TNRC6C: variants seen among roughly 807,000 people sequenced by gnomAD.
TNRC6C encodes trinucleotide repeat-containing gene 6C protein.
In TNRC6C, 20 loss-of-function variants were observed where a neutral mutation model predicts 153.7. That is an observed-to-expected ratio of 0.13 (90% confidence interval 0.09 to 0.19). TNRC6C has a LOEUF of 0.19. TNRC6C is among the 10% of genes least tolerant of loss of function. The pLI, the probability that TNRC6C is intolerant of heterozygous loss-of-function variation, is 1.00. For synonymous variants in TNRC6C, 811 were observed against 841.4 expected (o/e 0.96, Z 0.63); for missense variants, 1,987 against 2,172.0 (o/e 0.91, Z 1.69).
At chr17:78,015,605 A>T (rs78059684) in intron 1 of TNRC6C, among the ~76,000 whole-genome samples, 7,142 of 152,292 alleles carry the variant, frequency 0.047, 234 homozygotes, top group Middle Eastern at 0.092. Flanking sequence ...GTCTAGGTAG[A>T]TGGAAGATTT....
Position 78,029,490 on chromosome 17 carries a change from C to G in TNRC6C, c.-545-2026C>G, listed in dbSNP as rs2143688839. ...TATAAAGAATTTTTAAAAGGTACAC[C>G]TGTATAGGGCACTTAACTATGAATG... On this transcript the variant is annotated intron_variant, in intron 1 of 19. Coordinates refer to ENST00000301624, the Ensembl canonical transcript of TNRC6C. 1.3e-5 allele frequency among the ~76,000 whole-genome samples: 2 copies of G among 152,128 alleles called. 1 individual carries two copies. Among genetic ancestry groups the G allele is most frequent in the African/African-American group, 4.8e-5 (2 of 41,452 alleles).
exon 3 of TNRC6C, chr17:78,050,191 C>G: frequency 6.5e-7 from 1 of 1,546,940 alleles, no homozygotes; most frequent in Non-Finnish European, 8.7e-7. Context: ...TACCGTACAG[C>G]CTGGTGGTGA....
In TNRC6C at chr17:78,049,649, C is replaced by G. The variant is rs2072480418; in HGVS notation, c.587C>G (p.Pro196Arg). The G allele has an allele frequency of 6.2e-7, 1 of 1,613,808 alleles. No homozygotes were observed. The highest frequency in any genetic ancestry group is 1.3e-5 in the African/African-American group (1 of 74,940). The change falls in exon 3 of 20, where the codon CCT (proline) becomes CGT (arginine). Residue 196 changes from proline to arginine, a missense_variant. By Grantham distance (103) the Pro-to-Arg change is moderately radical (BLOSUM62 -2). Around this residue, in one of 4 missense-constraint regions of TNRC6C, gnomAD observed 1,052 missense variants for 1,017.0 expected, o/e 1.03. Transcript: ENST00000301624. This position sits in a 1 kb window ranked among gnomAD's most constrained non-coding sequence, Gnocchi z 4.1. ...AACCCCATGAACTCTTCACCCAACC[C>G]TATCAATGCAATGCAGACAAATGGA...
intron 1 of TNRC6C, among the ~76,000 whole-genome samples, chr17:77,997,782 G>T (rs1186188097): frequency 6.6e-6 from 1 of 151,974 alleles, no homozygotes; most frequent in South Asian, 2.1e-4. Flanking sequence ...AGCCTCCCGA[G>T]TAGCTGGGAC....
chr17:78,056,080 C>T (rs1481196218), intron 3 of TNRC6C, among the ~76,000 whole-genome samples: 1 of 151,868 alleles, frequency 6.6e-6, no homozygotes, highest in Non-Finnish European at 1.5e-5. Flanking sequence ...AAACTCCTGG[C>T]CTCAAGCCAT....
chr17:78,104,908 C>A lies in TNRC6C; in HGVS notation c.*63C>A. The A allele has an allele frequency of 7.3e-7, 1 of 1,371,522 alleles. No individual in the cohort carries two copies. Among genetic ancestry groups the A allele is most frequent in the Non-Finnish European group, 9.4e-7 (1 of 1,067,392 alleles). 85.0% of individuals were successfully genotyped at this position (1,371,522 alleles called of 1,614,324 possible). A position where few individuals can be genotyped will look rare whatever the true frequency, so the allele number is the denominator to read the frequency against. ...CCGGGACCCCTCCCGGCTGGGCGGC[C>A]CCACAGACCCGCTGGAACCCAGCAG... On this transcript the variant is annotated 3_prime_UTR_variant, in exon 20 of 20. Coordinates refer to ENST00000301624, the Ensembl canonical transcript of TNRC6C. The surrounding 1 kb of genome is among the most constrained non-coding windows in gnomAD (Gnocchi z 6.2).
Position 78,049,812 on chromosome 17 carries a change from A to G in TNRC6C, c.750A>G (p.Gly250=). The change falls in exon 3 of 20, where the codon GGA becomes GGG. Residue 250 remains glycine (G), a synonymous_variant. Coordinates refer to ENST00000301624, the Ensembl canonical transcript of TNRC6C. This position sits in a 1 kb window ranked among gnomAD's most constrained non-coding sequence, Gnocchi z 4.1. ...AAGGAATAAGCAATTCTGTGTGGGG[A>G]CTGTCCCCAGGTAACCCTGCCACAG... 2 of 1,609,378 alleles carry G rather than the reference A, an allele frequency of 1.2e-6. No homozygotes were observed. The highest frequency in any genetic ancestry group is 1.7e-6 in the Non-Finnish European group (2 of 1,176,990).
At chr17:78,067,670 C>G (rs1393404295) in intron 4 of TNRC6C, 87 bp from the exon 7 acceptor site, 6 of 1,410,720 alleles carry the variant, frequency 4.3e-6, no homozygotes, top group Non-Finnish European at 4.7e-6. Context: ...TCATTTGTCC[C>G]ACGACCCCTA....
In TNRC6C at chr17:78,092,172, G is replaced by A. The variant is rs2073406255; in HGVS notation, c.3970+565G>A. Among the ~76,000 whole-genome samples the A allele has an allele frequency of 2.0e-5, 3 of 152,218 alleles. No homozygotes were observed. In the South Asian group the frequency reaches 6.2e-4, roughly 32 times the overall value. ...ATTAAATTTAACTCTGAACTTCCTG[G>A]TAGAATAAACAGCAAAGGAAATTCA... On this transcript the variant is annotated intron_variant, in intron 14 of 19. Transcript: ENST00000301624.
chr17:78,098,021 G>A (rs768460581), intron 16 of TNRC6C, among the ~76,000 whole-genome samples, 160 bp downstream of exon 19: 4 of 152,262 alleles, frequency 2.6e-5, no homozygotes, highest in Non-Finnish European at 5.9e-5. Flanking sequence ...CCCAGGCACA[G>A]TGGGCACGCT....
chr17:78,000,618 G>GGCC (rs1555628252), upstream of TNRC6C, among the ~76,000 whole-genome samples: 3 of 13,046 alleles, frequency 2.3e-4, no homozygotes, highest in Non-Finnish European at 3.8e-4. Flanking sequence ...TTCTCCCTCC[G>GGCC]CCCCCCCCCC....
chr17:78,015,367 A>G (rs577572331), intron 1 of TNRC6C, among the ~76,000 whole-genome samples: 62 of 152,332 alleles, frequency 4.1e-4, no homozygotes, highest in Non-Finnish European at 7.6e-4. Context: ...TTTCAGAAAG[A>G]AGATGTGTTA....
chr17:78,063,022 G>C (rs1307838880), intron 3 of TNRC6C, among the ~76,000 whole-genome samples: 1 of 152,036 alleles, frequency 6.6e-6, no homozygotes, highest in Non-Finnish European at 1.5e-5. Flanking sequence ...GAAGCGGGGG[G>C]ATCACTTGAG....
At chr17:77,994,222 A>G (rs1335844581) in intron 1 of TNRC6C, among the ~76,000 whole-genome samples, 4 of 152,158 alleles carry the variant, frequency 2.6e-5, no homozygotes, top group African/African-American at 9.7e-5. Context: ...TTAGGCAGAC[A>G]TTCATGTCCT....
chr17:78,074,781 C>T lies in TNRC6C; in HGVS notation c.2918-355C>T, dbSNP rs112924722. Among the ~76,000 whole-genome samples the T allele has an allele frequency of 6.4e-3, 980 of 152,318 alleles. 12 individuals are homozygous for T. Among genetic ancestry groups the T allele is most frequent in the African/African-American group, 0.023 (938 of 41,584 alleles). ...ACCCGAAATGAGGAAGCAAGTCTTGCAGAAAACTAGGGGAGGGGGTGCATC... is the reference window on the plus strand; with the variant it reads ...ACCCGAAATGAGGAAGCAAGTCTTGTAGAAAACTAGGGGAGGGGGTGCATC... On this transcript the variant is annotated intron_variant, in intron 7 of 19. Coordinates refer to ENST00000301624, the Ensembl canonical transcript of TNRC6C.
At chr17:78,102,193 C>T (rs1381723655) in intron 17 of TNRC6C, among the ~76,000 whole-genome samples, 4 of 152,128 alleles carry the variant, frequency 2.6e-5, no homozygotes, top group Non-Finnish European at 2.9e-5. Context: ...CCTCATCACC[C>T]CCGTCTCTCC....
chr17:78,058,651 A>T (rs532470300), intron 3 of TNRC6C, among the ~76,000 whole-genome samples: 53 of 152,222 alleles, frequency 3.5e-4, no homozygotes, highest in Non-Finnish European at 4.4e-5. Flanking sequence ...ACATATGCCA[A>T]TCAGAAAACT....
intron 1 of TNRC6C, among the ~76,000 whole-genome samples, chr17:77,967,252 TATC>T (rs943058788): frequency 1.4e-4 from 21 of 152,308 alleles, no homozygotes; most frequent in Admixed American, 2.6e-4. Flanking sequence ...AAAACTTCAT[TATC>T]ATGATAATTT....
exon 3 of TNRC6C, chr17:78,051,174 C>T: frequency 6.3e-7 from 1 of 1,577,566 alleles, no homozygotes; most frequent in Non-Finnish European, 8.6e-7. Flanking sequence ...AGAAGGACAG[C>T]AGTGAAGCAA....
Sources: gnomAD v4.1 joint callset for allele counts (sites outside exome capture counted in the v4.1 genomes callset) on GRCh38, gnomAD v4.1.1 for gene constraint, gnomAD v4.1.1 regional missense constraint, Gnocchi (gnomAD v3.1) non-coding constraint, MANE v1.5 for transcripts, NCBI Gene and HGNC (gene_info 2026-07-23, HGNC 2026-07-21) for gene names.